Variants in ADGRB3 observed in about 807,000 individuals in gnomAD.
The protein encoded by ADGRB3 is brain-specific angiogenesis inhibitor 3.
A neutral mutation model predicts 193.4 loss-of-function variants in ADGRB3; 37 were observed. The observed-to-expected ratio is 0.19, with a 90% confidence interval of 0.15 to 0.25. The LOEUF (loss-of-function observed/expected upper bound fraction) is 0.25, where lower values mean the gene tolerates loss of function less well. ADGRB3 is among the 10% of genes least tolerant of loss of function. The probability of loss-of-function intolerance (pLI) is 1.00; values close to 1 mark genes in which losing one functional copy is unlikely to be tolerated. For missense variants in ADGRB3, 1,637 were observed against 1,852.9 expected, an observed-to-expected ratio of 0.88 and a Z score of 2.14; for synonymous variants, 690 against 644.2, an observed-to-expected ratio of 1.07 and a Z score of -1.08.
At chr6:68,673,705 T>C (rs1561990354) in intron 3 of ADGRB3, among the ~76,000 whole-genome samples, 1 of 151,938 alleles carries the variant, frequency 6.6e-6, no homozygotes, top group Non-Finnish European at 1.5e-5. Context: ...TTTCCCTGGC[T>C]TTTTTTTCAG....
intron 20 of ADGRB3, among the ~76,000 whole-genome samples, chr6:69,301,970 A>C (rs1271065774): frequency 6.6e-6 from 1 of 151,960 alleles, no homozygotes; most frequent in East Asian, 1.9e-4. Flanking sequence ...ATTTAATGTA[A>C]GCAAAGAATG....
intron 3 of ADGRB3, among the ~76,000 whole-genome samples, chr6:68,729,545 G>C (rs1168592854): frequency 1.3e-5 from 2 of 151,584 alleles, no homozygotes; most frequent in Non-Finnish European, 3.0e-5. Flanking sequence ...TAGATCCATA[G>C]CCTGAATTTT....
intron 20 of ADGRB3, among the ~76,000 whole-genome samples, chr6:69,244,718 C>G (rs1466551628): frequency 6.6e-6 from 1 of 151,976 alleles, no homozygotes; most frequent in Non-Finnish European, 1.5e-5. Context: ...CCCAAATCTG[C>G]CAGTTCTCCT....
At chr6:69,320,971 A>G (rs1768444352) in intron 20 of ADGRB3, among the ~76,000 whole-genome samples, 2 of 151,634 alleles carry the variant, frequency 1.3e-5, no homozygotes, top group African/African-American at 4.8e-5. Flanking sequence ...TTCTGGAAAT[A>G]CTTTTAAATA....
chr6:69,177,447 C>T (rs1431938217), intron 17 of ADGRB3, among the ~76,000 whole-genome samples: 4 of 152,224 alleles, frequency 2.6e-5, no homozygotes, highest in African/African-American at 7.2e-5. Flanking sequence ...AGCTCTGCCT[C>T]CCGGGTTCAC....
intron 17 of ADGRB3, among the ~76,000 whole-genome samples, chr6:69,111,675 CATGAAACCAAGATAATTTCTTGGAT>C (rs1773370122): frequency 6.6e-6 from 1 of 152,154 alleles, no homozygotes; most frequent in Non-Finnish European, 1.5e-5. Context: ...GTTTTCTGGA[CATGAAACCAAGATAATTTCTTGGAT>C]ATGAAACCAA....
chr6:69,130,290 G>T (rs1490925829), intron 17 of ADGRB3, among the ~76,000 whole-genome samples: 1 of 151,842 alleles, frequency 6.6e-6, no homozygotes, highest in Non-Finnish European at 1.5e-5. Flanking sequence ...AAATTATCAC[G>T]GTGGCCATTA....
At chr6:68,851,756 A>G (rs1768407323) in intron 3 of ADGRB3, among the ~76,000 whole-genome samples, 1 of 151,918 alleles carries the variant, frequency 6.6e-6, no homozygotes, top group African/African-American at 2.4e-5. Flanking sequence ...TAGAAAGTTT[A>G]TCATATTGTA....
At chr6:69,139,380 A>G (rs1263081266) in intron 17 of ADGRB3, among the ~76,000 whole-genome samples, 1 of 152,188 alleles carries the variant, frequency 6.6e-6, no homozygotes, top group African/African-American at 2.4e-5. Flanking sequence ...GTAACTGCTG[A>G]TACAGGAATT....
At chr6:69,055,823 CTTTG>C (rs1278195538) in intron 15 of ADGRB3, among the ~76,000 whole-genome samples, 1 of 149,892 alleles carries the variant, frequency 6.7e-6, no homozygotes, top group Non-Finnish European at 1.5e-5. Flanking sequence ...TTTTGTTTTG[CTTTG>C]TTTTGTTTTG....
At chr6:69,213,701 A>G (rs1765714155) in intron 17 of ADGRB3, among the ~76,000 whole-genome samples, 1 of 151,934 alleles carries the variant, frequency 6.6e-6, no homozygotes, top group South Asian at 2.1e-4. Context: ...GTTTAATATT[A>G]TTTTTATCTT....
At chr6:69,259,031 A>G (rs1766843932) in intron 20 of ADGRB3, among the ~76,000 whole-genome samples, 1 of 152,216 alleles carries the variant, frequency 6.6e-6, no homozygotes, top group Non-Finnish European at 1.5e-5. Flanking sequence ...GTTTTACTGC[A>G]TGTCAAATAA....
At chr6:68,719,696 CT>C (rs529089749) in intron 3 of ADGRB3, among the ~76,000 whole-genome samples, 13 of 150,696 alleles carry the variant, frequency 8.6e-5, no homozygotes, top group Admixed American at 3.3e-4. Flanking sequence ...CTCCTATTTT[CT>C]TTTTTTTTCT....
At chr6:69,094,105 G>T (rs1351996788) in intron 17 of ADGRB3, among the ~76,000 whole-genome samples, 2 of 152,172 alleles carry the variant, frequency 1.3e-5, no homozygotes, top group African/African-American at 4.8e-5. Flanking sequence ...AAGAGAGGTG[G>T]ACAGGTTAGA....
At chr6:68,737,896 G>C (rs770055657) in intron 3 of ADGRB3, among the ~76,000 whole-genome samples, 3 of 152,272 alleles carry the variant, frequency 2.0e-5, no homozygotes, top group Middle Eastern at 3.4e-3. Context: ...AGAGTTCAGG[G>C]TTTAGTGGGT....
At chr6:68,774,232 T>C (rs1766694696) in intron 3 of ADGRB3, among the ~76,000 whole-genome samples, 1 of 152,052 alleles carries the variant, frequency 6.6e-6, no homozygotes, top group Non-Finnish European at 1.5e-5. Context: ...TTCCTCATAT[T>C]ATCAAGTCTT....
chr6:68,850,535 G>A (rs1293490516), intron 3 of ADGRB3, among the ~76,000 whole-genome samples: 1 of 151,668 alleles, frequency 6.6e-6, no homozygotes, highest in Non-Finnish European at 1.5e-5. Flanking sequence ...AGGTTGAGTA[G>A]GCCATGTCTT....
At chr6:68,998,024 GTTA>G (rs1261898528) in intron 11 of ADGRB3, among the ~76,000 whole-genome samples, 21 of 152,038 alleles carry the variant, frequency 1.4e-4, no homozygotes, top group African/African-American at 4.1e-4. Context: ...AATTATATAA[GTTA>G]TTATTGTTGT....
chr6:68,868,951 G>GTGTGTGTGTGTGTGTGTGCGTGTGTT (rs781022363), intron 3 of ADGRB3, among the ~76,000 whole-genome samples: 1 of 150,392 alleles, frequency 6.6e-6, no homozygotes, highest in African/African-American at 2.5e-5. Flanking sequence ...GAGTGTGTGT[G>GTGTGTGTGTGTGTGTGTGCGTGTGTT]TTTAAACTTA....
Sources: allele counts gnomAD v4.1 joint callset (sites outside exome capture counted in the v4.1 genomes callset), GRCh38; gene constraint gnomAD v4.1.1; transcripts MANE v1.5; gene names NCBI Gene and HGNC (gene_info 2026-07-23, HGNC 2026-07-21).